The following CPEB2 variants were observed in gnomAD, a reference collection of about 807,000 sequenced individuals.
CPEB2 encodes the protein cytoplasmic polyadenylation element-binding protein 2.
In CPEB2, 56 loss-of-function variants were observed where a neutral mutation model predicts 93.6. The ratio of observed to expected loss-of-function variants is 0.60; its 90% CI spans 0.48 to 0.75. The LOEUF is 0.75. Ranked by LOEUF, CPEB2 falls within the 30% of genes least tolerant of loss-of-function variation. The probability of loss-of-function intolerance (pLI) is 0.00; values close to 1 mark genes in which losing one functional copy is unlikely to be tolerated. For missense variants in CPEB2, 1,579 were observed against 1,395.1 expected, an observed-to-expected ratio of 1.13 and a Z score of -2.10; for synonymous variants, 764 against 586.3, an observed-to-expected ratio of 1.30 and a Z score of -4.38.
intron 10 of CPEB2, 30 bp downstream of exon 10, chr4:15,059,331 A>G: frequency 2.1e-6 from 3 of 1,399,376 alleles, no homozygotes; most frequent in Non-Finnish European, 3.0e-6. Context: ...TTTTGTTTAA[A>G]AAAATCATTT....
chr4:15,013,638 C>T (rs1723765269), intron 3 of CPEB2, among the ~76,000 whole-genome samples: 1 of 151,932 alleles, frequency 6.6e-6, no homozygotes, highest in African/African-American at 2.4e-5. Context: ...TTAATTCCTG[C>T]AATTTATTTA....
chr4:15,034,170 A>C (rs1392033249), intron 5 of CPEB2, among the ~76,000 whole-genome samples: 5 of 152,208 alleles, frequency 3.3e-5, no homozygotes, highest in Non-Finnish European at 7.3e-5. Flanking sequence ...TGATTGATTT[A>C]ATCATTCAGT....
At chr4:15,016,816 T>G (rs1433743383) in intron 3 of CPEB2, among the ~76,000 whole-genome samples, 1 of 152,024 alleles carries the variant, frequency 6.6e-6, no homozygotes, top group Non-Finnish European at 1.5e-5. Flanking sequence ...TGCCACTATC[T>G]GTCTTCCTAA....
chr4:15,024,014 T>C (rs1401230939), intron 4 of CPEB2, among the ~76,000 whole-genome samples: 2 of 152,102 alleles, frequency 1.3e-5, no homozygotes, highest in Non-Finnish European at 2.9e-5. Flanking sequence ...AAGCTTTCTT[T>C]TTCCTGGAAT....
chr4:15,059,590 C>T (rs764968746), intron 10 of CPEB2, among the ~76,000 whole-genome samples: 3 of 152,046 alleles, frequency 2.0e-5, no homozygotes, highest in Admixed American at 1.3e-4. Context: ...CCTAAGTGTA[C>T]CTCTCTGAGA....
intron 10 of CPEB2, 96 bp from the exon 11 acceptor site, chr4:15,061,978 TGATAA>T: frequency 9.1e-7 from 1 of 1,096,290 alleles, no homozygotes; most frequent in Non-Finnish European, 1.3e-6. Flanking sequence ...CCTGGTCAAA[TGATAA>T]TATACTATTG....
chr4:15,028,089 A>G (rs1285940743), intron 4 of CPEB2, among the ~76,000 whole-genome samples: 1 of 152,204 alleles, frequency 6.6e-6, no homozygotes, highest in South Asian at 2.1e-4. Flanking sequence ...CAATTGGCAG[A>G]GCACATGGCA....
At chr4:15,007,817 C>T (rs1577360365) in intron 2 of CPEB2, among the ~76,000 whole-genome samples, 1 of 152,012 alleles carries the variant, frequency 6.6e-6, no homozygotes, top group African/African-American at 2.4e-5. Flanking sequence ...CGTAGAAAAA[C>T]CTTTTGTATT....
intron 5 of CPEB2, among the ~76,000 whole-genome samples, chr4:15,033,870 G>C (rs1726355505): frequency 6.6e-6 from 1 of 152,142 alleles, no homozygotes; most frequent in Non-Finnish European, 1.5e-5. Flanking sequence ...CAGAGGGTGG[G>C]TGTGGAGAGG....
chr4:15,043,180 G>A (rs113575042), intron 6 of CPEB2, among the ~76,000 whole-genome samples: 4 of 152,136 alleles, frequency 2.6e-5, no homozygotes, highest in South Asian at 2.1e-4. Flanking sequence ...GTCAAATCAA[G>A]TTACTACCAA....
chr4:15,058,363 A>G (rs987399), intron 8 of CPEB2, 58 bp from the exon 9 acceptor site: 449,112 of 922,940 alleles, frequency 0.49, 119,969 homozygotes, highest in Non-Finnish European at 0.56. Context: ...ATAGTACTGA[A>G]ATTTGGAGTA....
chr4:15,059,279 T>C lies in CPEB2; in HGVS notation c.2673T>C (p.Gly891=), dbSNP rs1349966441. Residue 891 remains glycine (G), a synonymous_variant, in exon 10 of 12, where the codon GGT becomes GGC. Transcript: ENST00000538197. ...LDPRKTIFVG[G]VPRPLRAVEL... The stretch of plus-strand genomic sequence containing the variant: ...CCCGAAAAACAATTTTTGTTGGAGG[T>C]GTTCCTAGGCCATTAAGGGCTGGTA... The C allele has an allele frequency of 6.2e-7, 1 of 1,612,114 alleles. No individual in the cohort carries two copies. The highest frequency in any genetic ancestry group is 8.5e-7 in the Non-Finnish European group (1 of 1,178,462).
intron 7 of CPEB2, among the ~76,000 whole-genome samples, chr4:15,053,269 G>T (rs1364018511): frequency 6.6e-6 from 1 of 152,018 alleles, no homozygotes; most frequent in African/African-American, 2.4e-5. Context: ...GCCCACTTTA[G>T]CCTCCCAAAG....
chr4:15,039,569 T>C lies in CPEB2; in HGVS notation c.2177-895T>C, dbSNP rs543098571. Among the ~76,000 whole-genome samples, 49 of 152,226 alleles carry C rather than the reference T, an allele frequency of 3.2e-4. No individual in the cohort carries two copies. In the South Asian group the frequency reaches 4.8e-3, roughly 15 times the overall value. On this transcript the variant is annotated intron_variant, in intron 5 of 11. Coordinates refer to ENST00000538197, the MANE Select transcript of CPEB2 (RefSeq NM_001177382.2). Reference sequence around the variant, plus strand: ...TATATTAATTTCAGGGTAAAAATACTCATTGTGTATTCAAATTTGTGGGGA... The same window carrying C: ...TATATTAATTTCAGGGTAAAAATACCCATTGTGTATTCAAATTTGTGGGGA...
chr4:15,050,366 A>C (rs892643795), intron 6 of CPEB2, among the ~76,000 whole-genome samples: 1 of 152,198 alleles, frequency 6.6e-6, no homozygotes, highest in Non-Finnish European at 1.5e-5. Flanking sequence ...TGTTGTCCAC[A>C]AAACTGGTCC....
At chr4:15,016,550 G>A (rs771304205) in intron 3 of CPEB2, among the ~76,000 whole-genome samples, 22 of 151,904 alleles carry the variant, frequency 1.4e-4, no homozygotes, top group Non-Finnish European at 2.8e-4. Context: ...AGGGGAGTTG[G>A]GGGAGGCCGG....
At chr4:15,045,392 C>T (rs1254019482) in intron 6 of CPEB2, among the ~76,000 whole-genome samples, 1 of 151,974 alleles carries the variant, frequency 6.6e-6, no homozygotes, top group Non-Finnish European at 1.5e-5. Flanking sequence ...TGTATATATA[C>T]ACATATTCAT....
chr4:15,029,616 T>A (rs1213809167), intron 4 of CPEB2, among the ~76,000 whole-genome samples: 1 of 152,218 alleles, frequency 6.6e-6, no homozygotes, highest in East Asian at 1.9e-4. Flanking sequence ...TATTACTAGA[T>A]GACTTTGTTT....
intron 3 of CPEB2, among the ~76,000 whole-genome samples, chr4:15,010,772 C>T (rs1723367339): frequency 6.6e-6 from 1 of 151,826 alleles, no homozygotes; most frequent in African/African-American, 2.4e-5. Context: ...TTTTTATTTC[C>T]TTTAGTCTCA....
Sources: allele counts gnomAD v4.1 joint callset (sites outside exome capture counted in the v4.1 genomes callset), GRCh38; gene constraint gnomAD v4.1.1; transcripts MANE v1.5; gene names NCBI Gene and HGNC (gene_info 2026-07-23, HGNC 2026-07-21).